The following DMRTC2 variants were observed in gnomAD, a reference collection of about 807,000 sequenced individuals.
DMRTC2 encodes the protein doublesex- and mab-3-related transcription factor C2.
DMRTC2 carries 13 observed loss-of-function variants against 39.9 expected under a neutral mutation model. The observed-to-expected ratio is 0.33, with a 90% CI of 0.21 to 0.52. The LOEUF (loss-of-function observed/expected upper bound fraction) is 0.52. DMRTC2 is among the 20% of genes least tolerant of loss of function. DMRTC2 has a pLI of 0.96. For synonymous variants in DMRTC2, 189 were observed against 185.2 expected (o/e 1.02, Z -0.17); for missense variants, 431 against 472.8 (o/e 0.91, Z 0.82).
chr19:41,850,161 C>A, intron 6 of DMRTC2, 151 bp from the exon 7 acceptor site: 1 of 606,190 alleles, frequency 1.6e-6, no homozygotes, highest in Non-Finnish European at 2.6e-6. Flanking sequence ...TTTTACTTTA[C>A]TGAAAACAAA....
At chr19:41,847,907 G>T in intron 3 of DMRTC2, 26 bp downstream of exon 3, 1 of 1,563,644 alleles carries the variant, frequency 6.4e-7, no homozygotes, top group Non-Finnish European at 8.7e-7. Flanking sequence ...CAGCGATGGG[G>T]CAGGAGTTTG....
intron 3 of DMRTC2, 152 bp downstream of exon 3, chr19:41,848,033 G>A: frequency 8.3e-7 from 1 of 1,201,942 alleles, no homozygotes; most frequent in Non-Finnish European, 1.1e-6. Context: ...TTGAGAGAAT[G>A]CAGCGAGTTC....
chr19:41,850,211 G>T, intron 6 of DMRTC2, 101 bp from the exon 7 acceptor site: 1 of 991,452 alleles, frequency 1.0e-6, no homozygotes, highest in Admixed American at 3.0e-5. Flanking sequence ...CAGGCTCTCA[G>T]ATTCCCAGAT....
intron 1 of DMRTC2, among the ~76,000 whole-genome samples, chr19:41,846,900 G>A (rs10419966): frequency 0.023 from 3,476 of 151,936 alleles, 148 homozygotes; most frequent in African/African-American, 0.079. Flanking sequence ...GGGGGGACGG[G>A]TGCAGTGGCT....
At position 41,847,680 on chromosome 19, in the gene DMRTC2, G is replaced by A; in HGVS notation, c.224+28G>A. 4 of 1,613,786 alleles carry A rather than the reference G, an allele frequency of 2.5e-6. No homozygotes were observed. The South Asian group carries it at 3.3e-5, about 13-fold the overall frequency. ...GAGTATGAGGTCTGGGAGGGGAGGAGGATGAGCCTCCTCCAAAGGGTGGCT... is the reference window on the plus strand; with the variant it reads ...GAGTATGAGGTCTGGGAGGGGAGGAAGATGAGCCTCCTCCAAAGGGTGGCT... On this transcript the variant is annotated intron_variant, in intron 2 of 8. Coordinates refer to ENST00000269945, the MANE Select transcript of DMRTC2 (RefSeq NM_001040283.3).
Position 41,848,531 on chromosome 19 carries a change from A to G in DMRTC2, c.447+3A>G. On this transcript the variant is annotated splice_donor_region_variant and intron_variant, in intron 4 of 8. Transcript: ENST00000269945. ...TGGCACCGACACCCCCCGGGAAGGT[A>G]AGGAGAGGCTGGGGCCTGAGAAAGT... is the stretch of plus-strand genomic sequence containing the variant. 1 of 1,581,224 alleles carries G rather than the reference A, an allele frequency of 6.3e-7. No homozygotes were observed. The highest frequency in any genetic ancestry group is 8.6e-7 in the Non-Finnish European group (1 of 1,163,988).
At position 41,851,769 on chromosome 19, in the gene DMRTC2, T is replaced by G. The variant is rs2073960633; in HGVS notation, c.*73T>G. ...TGCTGGCACTGTATATTTAGTGTCTTACTTAAGGATTTATGCATGGAATTT... is the reference window on the plus strand; with the variant it reads ...TGCTGGCACTGTATATTTAGTGTCTGACTTAAGGATTTATGCATGGAATTT... On this transcript the variant is annotated 3_prime_UTR_variant, in exon 9 of 9. Transcript: ENST00000269945. 5.4e-6 allele frequency: 7 copies of G among 1,308,072 alleles called. No homozygotes were observed. Among genetic ancestry groups the G allele is most frequent in the East Asian group, 2.4e-5 (1 of 42,358 alleles). 81.0% of individuals were successfully genotyped at this position (1,308,072 alleles called of 1,614,324 possible).
In DMRTC2 at chr19:41,851,786, A is replaced by T; in HGVS notation, c.*90A>T. On this transcript the variant is annotated 3_prime_UTR_variant, in exon 9 of 9. Coordinates refer to ENST00000269945, the MANE Select transcript of DMRTC2 (RefSeq NM_001040283.3). ...TAGTGTCTTACTTAAGGATTTATGC[A>T]TGGAATTTAATGTAGTACAAGCTTC... The T allele has an allele frequency of 1.8e-6, 2 of 1,129,696 alleles. No individual in the cohort carries two copies. The highest frequency in any genetic ancestry group is 2.6e-6 in the Non-Finnish European group (2 of 766,770). The allele number at this position is 1,129,696 out of a possible 1,614,324, so 70.0% of individuals were successfully genotyped here.
rs1037118408 is a variant in DMRTC2 at position 41,850,533 on chromosome 19, G to T, written c.824G>T (p.Gly275Val). Residue 275 changes from glycine to valine, a missense_variant, in exon 8 of 9, where the codon GGA (glycine) becomes GTA (valine). Transcript: ENST00000269945. ...DPLQLQPQAS[G>V]ASCLARTSGP... ...TCTCCCTTTCCCTTGCAGGCCTCTG[G>T]AGCCTCGTGCCTGGCCCGGACATCT... The T allele has an allele frequency of 6.2e-7, 1 of 1,611,870 alleles. No homozygotes were observed. Among genetic ancestry groups the T allele is most frequent in the African/African-American group, 1.3e-5 (1 of 74,748 alleles).
chr19:41,846,280 C>G (rs181353113), intron 1 of DMRTC2, among the ~76,000 whole-genome samples: 1 of 151,966 alleles, frequency 6.6e-6, no homozygotes, highest in Admixed American at 6.6e-5. Flanking sequence ...ACTGTTGGGA[C>G]GGAACAGGGT....
upstream of DMRTC2, chr19:41,845,016 G>T (rs1451691905): frequency 5.3e-5 from 8 of 152,256 alleles, no homozygotes; most frequent in Admixed American, 5.2e-4. Flanking sequence ...AAGAAAAGCA[G>T]CGCGAGCTTG....
intron 1 of DMRTC2, among the ~76,000 whole-genome samples, chr19:41,846,133 G>A (rs1334254825): frequency 6.6e-6 from 1 of 152,188 alleles, no homozygotes; most frequent in Non-Finnish European, 1.5e-5. Flanking sequence ...ATGCAAGGAG[G>A]CAGTTGCTTT....
At chr19:41,850,498 AGTCTG>A in intron 7 of DMRTC2, 23 bp from the exon 8 acceptor site, 1 of 1,593,572 alleles carries the variant, frequency 6.3e-7, no homozygotes, top group Non-Finnish European at 8.6e-7. Context: ...GGGGGTTCCC[AGTCTG>A]CTTGTCTCCC....
At position 41,851,913 on chromosome 19, in the gene DMRTC2, G is replaced by A. The variant is rs370552271; in HGVS notation, c.*217G>A. The A allele has an allele frequency of 4.3e-4, 251 of 578,026 alleles. No individual in the cohort carries two copies. The highest frequency in any genetic ancestry group is 6.5e-4 in the Non-Finnish European group (210 of 325,036). The allele number at this position is 578,026 out of a possible 1,614,324, so 35.8% of individuals were successfully genotyped here. On this transcript the variant is annotated 3_prime_UTR_variant, in exon 9 of 9. Coordinates refer to ENST00000269945, the MANE Select transcript of DMRTC2 (RefSeq NM_001040283.3). ...GTGGGCATTTCCTTGGCTGACAGTG[G>A]ATATTCTTGTACCCTTCTTGGGTCC...
rs781874331 is a variant in DMRTC2 at position 41,848,522 on chromosome 19, C to T, written c.441C>T (p.Pro147=). ...CAGTCCTGCTGGCACCGACACCCCC[C>T]GGGAAGGTAAGGAGAGGCTGGGGCC... ...HGAVLLAPTP[P]GKNSCGPLLL... Residue 147 remains proline (P), a synonymous_variant, in exon 4 of 9, where the codon CCC becomes CCT. Transcript: ENST00000269945. 4.1e-5 allele frequency: 66 copies of T among 1,591,716 alleles called. No individual in the cohort carries two copies. The highest frequency in any genetic ancestry group is 1.7e-4 in the Middle Eastern group (1 of 6,032).
Position 41,848,516 on chromosome 19 carries a change from AC to A in DMRTC2, c.441del (p.Lys149ArgfsTer87). 1 of 1,593,386 alleles carries A rather than the reference AC, an allele frequency of 6.3e-7. No homozygotes were observed. Among genetic ancestry groups the A allele is most frequent in the South Asian group, 1.1e-5 (1 of 87,672 alleles). On this transcript the variant is annotated frameshift_variant, in exon 4 of 9. Coordinates refer to ENST00000269945, the MANE Select transcript of DMRTC2 (RefSeq NM_001040283.3). LOFTEE classifies it high-confidence loss of function. The stretch of plus-strand genomic sequence containing the variant: ...ATGGGGCAGTCCTGCTGGCACCGAC[AC>A]CCCCCGGGAAGGTAAGGAGAGGCTG... ...PHGAVLLAPTPPGKNSCGPLL... is the reference protein window; with the variant it reads ...PHGAVLLAPTXPGKNSCGPLL...
chr19:41,851,643 C>G lies in DMRTC2; in HGVS notation c.1051C>G (p.Pro351Ala). The G allele has an allele frequency of 6.2e-7, 1 of 1,614,202 alleles. No homozygotes were observed. Among genetic ancestry groups the G allele is most frequent in the Non-Finnish European group, 8.5e-7 (1 of 1,180,040 alleles). ...VGPCLRPSPA[P>A]SVALHIGRLG... The stretch of plus-strand genomic sequence containing the variant: ...CCCCTGTCTTCGACCCAGCCCAGCC[C>G]CCTCTGTTGCTCTGCATATTGGCCG... Residue 351 changes from proline to alanine, a missense_variant, in exon 9 of 9, where the codon CCC becomes GCC. Physicochemically the swap from Pro to Ala is conservative, Grantham distance 27 (BLOSUM62 -1). Transcript: ENST00000269945.
chr19:41,850,347 C>G lies in DMRTC2; in HGVS notation c.791C>G (p.Pro264Arg). 1 of 1,520,038 alleles carries G rather than the reference C, an allele frequency of 6.6e-7. No homozygotes were observed. Among genetic ancestry groups the G allele is most frequent in the South Asian group, 1.3e-5 (1 of 75,126 alleles). The allele number at this position is 1,520,038 out of a possible 1,614,324, so 94.2% of individuals were successfully genotyped here. ...CTGATACTCCAGCCCTGTGGCACCC[C>G]AGACCCTCTTCAGCTACAGCCACAG... is the stretch of plus-strand genomic sequence containing the variant. ...STLILQPCGT[P>R]DPLQLQPQAS... The change falls in exon 7 of 9, where the codon CCA (proline) becomes CGA (arginine). Residue 264 changes from proline to arginine, a missense_variant. Coordinates refer to ENST00000269945, the MANE Select transcript of DMRTC2 (RefSeq NM_001040283.3).
chr19:41,850,334 C>G lies in DMRTC2; in HGVS notation c.778C>G (p.Pro260Ala). ...TAGACACTCAACTCTGATACTCCAG[C>G]CCTGTGGCACCCCAGACCCTCTTCA... is the stretch of plus-strand genomic sequence containing the variant. ...PRTHSTLILQ[P>A]CGTPDPLQLQ... Residue 260 changes from proline (P) to alanine (A), a missense_variant, in exon 7 of 9, where the codon CCC (proline) becomes GCC (alanine). Transcript: ENST00000269945. The G allele has an allele frequency of 6.6e-7, 1 of 1,510,686 alleles. No homozygotes were observed. The highest frequency in any genetic ancestry group is 8.8e-7 in the Non-Finnish European group (1 of 1,130,776). The allele number at this position is 1,510,686 out of a possible 1,614,324, so 93.6% of individuals were successfully genotyped here.
Sources: allele counts gnomAD v4.1 joint callset (sites outside exome capture counted in the v4.1 genomes callset), GRCh38; gene constraint gnomAD v4.1.1; transcripts MANE v1.5; gene names NCBI Gene and HGNC (gene_info 2026-07-23, HGNC 2026-07-21).